MAP3K20: variants seen among roughly 807,000 people sequenced by gnomAD.
The protein encoded by MAP3K20 is HCCS-4.
A neutral mutation model predicts 85.7 loss-of-function variants in MAP3K20; 40 were observed. The observed-to-expected ratio is 0.47, with a 90% confidence interval of 0.36 to 0.61. The LOEUF (loss-of-function observed/expected upper bound fraction) is 0.61, where lower values mean the gene tolerates loss of function less well. Ranked by LOEUF, MAP3K20 falls within the 20% of genes least tolerant of loss-of-function variation. The pLI is 0.00. For synonymous variants in MAP3K20, 325 were observed against 327.7 expected (o/e 0.99, Z 0.09); for missense variants, 817 against 961.7 (o/e 0.85, Z 1.99).
At chr2:173,141,074 C>T (rs190104715) in intron 2 of MAP3K20, among the ~76,000 whole-genome samples, 34 of 152,208 alleles carry the variant, frequency 2.2e-4, no homozygotes, top group African/African-American at 7.5e-4. Context: ...TAAATCACCT[C>T]GCAACTTACT....
chr2:173,132,574 TTC>T (rs1243999784), intron 2 of MAP3K20, among the ~76,000 whole-genome samples: 3 of 152,180 alleles, frequency 2.0e-5, no homozygotes, highest in African/African-American at 7.2e-5. Flanking sequence ...GTTAAAGTTT[TTC>T]TCTGTTTTCC....
intron 1 of MAP3K20, among the ~76,000 whole-genome samples, chr2:173,082,814 G>A (rs1403503519): frequency 1.3e-5 from 2 of 152,226 alleles, no homozygotes; most frequent in Non-Finnish European, 1.5e-5. Flanking sequence ...GTGGCCGTAG[G>A]TTGTATCCAC....
chr2:173,262,720 G>T (rs1478659621), intron 18 of MAP3K20, among the ~76,000 whole-genome samples: 1 of 152,230 alleles, frequency 6.6e-6, no homozygotes, highest in Non-Finnish European at 1.5e-5. Flanking sequence ...TGCACAGGTT[G>T]TCAGGGATGA....
chr2:173,248,337 A>G (rs1310892487), intron 16 of MAP3K20, among the ~76,000 whole-genome samples: 3 of 152,236 alleles, frequency 2.0e-5, no homozygotes, highest in Non-Finnish European at 4.4e-5. Flanking sequence ...TTATATATGT[A>G]TCTCCAAACT....
intron 2 of MAP3K20, among the ~76,000 whole-genome samples, chr2:173,137,848 A>G (rs1287198203): frequency 6.6e-6 from 1 of 152,222 alleles, no homozygotes; most frequent in Non-Finnish European, 1.5e-5. Flanking sequence ...CCTCAACCAT[A>G]CAAGCCACAA....
At chr2:173,191,743 G>T (rs548147225) in intron 7 of MAP3K20, among the ~76,000 whole-genome samples, 1 of 152,156 alleles carries the variant, frequency 6.6e-6, no homozygotes, top group Non-Finnish European at 1.5e-5. Flanking sequence ...TATCTGAAGC[G>T]TGACTCTAAG....
chr2:173,242,843 A>AT (rs1217074227), intron 16 of MAP3K20, among the ~76,000 whole-genome samples: 2 of 150,418 alleles, frequency 1.3e-5, no homozygotes, highest in East Asian at 3.9e-4. Flanking sequence ...AGTAGCTGGG[A>AT]TTATAGGGGC....
At chr2:173,129,207 C>T (rs963878532) in intron 2 of MAP3K20, among the ~76,000 whole-genome samples, 7 of 152,040 alleles carry the variant, frequency 4.6e-5, no homozygotes, top group Non-Finnish European at 7.4e-5. Context: ...TGAGCCACCG[C>T]GCCCAGCCAA....
chr2:173,262,858 C>G (rs1390870374), intron 18 of MAP3K20, among the ~76,000 whole-genome samples: 1 of 152,210 alleles, frequency 6.6e-6, no homozygotes, highest in Admixed American at 6.5e-5. Context: ...CTGGTCCTCA[C>G]TACCCAGGAA....
intron 11 of MAP3K20, among the ~76,000 whole-genome samples, chr2:173,229,059 T>G (rs1684456960): frequency 6.6e-6 from 1 of 152,210 alleles, no homozygotes. Context: ...GCTCTGAAAA[T>G]GGTGCAGGCT....
At chr2:173,194,802 A>C (rs1424295229) in intron 7 of MAP3K20, among the ~76,000 whole-genome samples, 1 of 151,870 alleles carries the variant, frequency 6.6e-6, no homozygotes, top group Non-Finnish European at 1.5e-5. Flanking sequence ...ACTGCAATAT[A>C]TTTTTGCTTT....
chr2:173,089,901 C>A (rs1368111957), intron 1 of MAP3K20, among the ~76,000 whole-genome samples: 1 of 152,114 alleles, frequency 6.6e-6, no homozygotes, highest in East Asian at 1.9e-4. Flanking sequence ...TTTCCTTATG[C>A]TAGAAGTTTT....
intron 9 of MAP3K20, among the ~76,000 whole-genome samples, chr2:173,206,669 A>G (rs961983790): frequency 2.0e-5 from 3 of 151,598 alleles, no homozygotes; most frequent in Non-Finnish European, 4.4e-5. Context: ...CTTACCTGGT[A>G]CAGCTGTATT....
chr2:173,181,659 T>C (rs1574084642), intron 3 of MAP3K20, among the ~76,000 whole-genome samples: 1 of 152,284 alleles, frequency 6.6e-6, no homozygotes, highest in East Asian at 1.9e-4. Flanking sequence ...GGGGACTGAA[T>C]AAACCAAATG....
At chr2:173,139,982 T>A (rs1462512893) in intron 2 of MAP3K20, among the ~76,000 whole-genome samples, 2 of 151,692 alleles carry the variant, frequency 1.3e-5, no homozygotes, top group Non-Finnish European at 1.5e-5. Context: ...CAGTTTTCCT[T>A]CCCTGCAATC....
At chr2:173,120,866 G>C (rs1438657128) in intron 2 of MAP3K20, among the ~76,000 whole-genome samples, 2 of 151,548 alleles carry the variant, frequency 1.3e-5, no homozygotes, top group African/African-American at 2.4e-5. Flanking sequence ...TGCCACCATG[G>C]CCGGCTAAAT....
chr2:173,206,969 T>A (rs1212680404), intron 9 of MAP3K20, among the ~76,000 whole-genome samples: 1 of 140,402 alleles, frequency 7.1e-6, no homozygotes, highest in Non-Finnish European at 1.5e-5. Context: ...TTTAGAGTAT[T>A]AACAAACATC....
At chr2:173,261,241 C>CATAT in intron 18 of MAP3K20, 104 bp downstream of exon 18, 2 of 1,206,622 alleles carry the variant, frequency 1.7e-6, no homozygotes, top group Non-Finnish European at 2.3e-6. Flanking sequence ...ATACCCAGAG[C>CATAT]ATATAATTTA....
At chr2:173,192,262 CTGTTT>C (rs946888234) in intron 7 of MAP3K20, among the ~76,000 whole-genome samples, 3 of 152,088 alleles carry the variant, frequency 2.0e-5, no homozygotes, top group Non-Finnish European at 2.9e-5. Context: ...GTTGTCAGAC[CTGTTT>C]TGTTTTGTTT....
Sources: gnomAD v4.1 joint callset for allele counts (sites outside exome capture counted in the v4.1 genomes callset) on GRCh38, gnomAD v4.1.1 for gene constraint, MANE v1.5 for transcripts, NCBI Gene and HGNC (gene_info 2026-07-23, HGNC 2026-07-21) for gene names.